The following SUMF1 variants were observed in gnomAD, a reference collection of about 807,000 sequenced individuals.
The protein encoded by SUMF1 is sulfatase modifying factor 1.
In SUMF1, 48 loss-of-function variants were observed where a neutral mutation model predicts 47.6. That is an observed-to-expected ratio of 1.01 (90% CI 0.80 to 1.28). The LOEUF (loss-of-function observed/expected upper bound fraction) is 1.28. Ranked by LOEUF, SUMF1 falls within the 50% of genes most tolerant of loss-of-function variation. The pLI is 0.00. For synonymous variants in SUMF1, 230 were observed against 192.1 expected (o/e 1.20, Z -1.63); for missense variants, 571 against 485.4 (o/e 1.18, Z -1.66).
At chr3:4,289,795 A>T (rs1305820120) in intron 8 of SUMF1, among the ~76,000 whole-genome samples, 1 of 149,620 alleles carries the variant, frequency 6.7e-6, no homozygotes, top group East Asian at 1.9e-4. Context: ...CACCTAGCAC[A>T]ATGGCCAACA....
At position 4,467,218 on chromosome 3, in the gene SUMF1, A is replaced by G. The variant is rs776028375; in HGVS notation, c.28T>C (p.Cys10Arg). Residue 10 changes from cysteine (C) to arginine (R), a missense_variant, in exon 1 of 9, where the codon TGT becomes CGT. By Grantham distance (180) the Cys-to-Arg change is radical. Transcript: ENST00000272902. MAAPALGLV[C>R]GRCPELGLVL... ...AGACCCAGCTCAGGGCAACGTCCAC[A>G]CACCAGCCCTAGTGCGGGCGCAGCC... The G allele has an allele frequency of 2.4e-5, 38 of 1,611,610 alleles. No homozygotes were observed. In the South Asian group the frequency reaches 4.0e-4, roughly 17 times the overall value.
chr3:4,308,028 A>G (rs1363663671), intron 8 of SUMF1, among the ~76,000 whole-genome samples: 1 of 150,012 alleles, frequency 6.7e-6, no homozygotes, highest in East Asian at 1.9e-4. Context: ...CAACGTCTTA[A>G]AAAAAAAAAA....
intron 3 of SUMF1, among the ~76,000 whole-genome samples, chr3:4,441,781 A>C (rs1365083470): frequency 6.6e-6 from 1 of 152,206 alleles, no homozygotes; most frequent in African/African-American, 2.4e-5. Context: ...CAAACTCTGA[A>C]AGCTAGCTCA....
intron 9 of SUMF1, among the ~76,000 whole-genome samples, chr3:4,040,227 A>G (rs1284269029): frequency 6.6e-6 from 1 of 152,186 alleles, no homozygotes; most frequent in Non-Finnish European, 1.5e-5. Context: ...TTATACTTCA[A>G]TAAAGCTTGG....
intron 8 of SUMF1, among the ~76,000 whole-genome samples, chr3:4,309,058 T>A (rs1698303623): frequency 6.6e-6 from 1 of 152,206 alleles, no homozygotes; most frequent in Non-Finnish European, 1.5e-5. Context: ...AAGCAGAGGC[T>A]TCCAGTTTCT....
intron 8 of SUMF1, among the ~76,000 whole-genome samples, chr3:4,168,475 T>A (rs1395695786): frequency 1.3e-5 from 2 of 152,178 alleles, no homozygotes; most frequent in Non-Finnish European, 1.5e-5. Context: ...ACATCACTAA[T>A]CATTAAACTA....
intron 8 of SUMF1, among the ~76,000 whole-genome samples, chr3:4,341,234 TA>T (rs200353993): frequency 2.0e-5 from 3 of 147,324 alleles, no homozygotes; most frequent in African/African-American, 2.5e-5. Context: ...ATGACAACAT[TA>T]AAAAAAAAGA....
chr3:4,267,744 T>G (rs1417336489), intron 8 of SUMF1, among the ~76,000 whole-genome samples: 1 of 150,294 alleles, frequency 6.7e-6, no homozygotes, highest in East Asian at 1.9e-4. Context: ...CAACAGGTGC[T>G]GGAGAGGATG....
chr3:4,130,024 T>C (rs1014894034), intron 8 of SUMF1, among the ~76,000 whole-genome samples: 1 of 151,972 alleles, frequency 6.6e-6, no homozygotes, highest in South Asian at 2.1e-4. Flanking sequence ...CCTAGAAAAA[T>C]AGTAAATCAA....
chr3:4,445,299 T>C lies in SUMF1; in HGVS notation c.519+3967A>G, dbSNP rs533229804. 2.6e-5 allele frequency among the ~76,000 whole-genome samples: 4 copies of C among 152,296 alleles called. No individual in the cohort carries two copies. In the South Asian group the frequency reaches 8.3e-4, roughly 32 times the overall value. On this transcript the variant is annotated intron_variant, in intron 3 of 8. Transcript: ENST00000272902. ...ATGCCCAAACCTTCAAAAGGGATCA[T>C]GGTTTCAGTGTAAAATAAAATATGG...
At chr3:4,201,415 C>G (rs1240763657) in intron 8 of SUMF1, among the ~76,000 whole-genome samples, 1 of 152,002 alleles carries the variant, frequency 6.6e-6, no homozygotes, top group Non-Finnish European at 1.5e-5. Flanking sequence ...CCATGCCTGT[C>G]TTATTTCACT....
intron 8 of SUMF1, among the ~76,000 whole-genome samples, chr3:4,152,171 A>C (rs1355776174): frequency 6.6e-6 from 1 of 151,636 alleles, no homozygotes; most frequent in Non-Finnish European, 1.5e-5. Context: ...GAACTGGAAA[A>C]ATTTTAATGT....
intron 8 of SUMF1, among the ~76,000 whole-genome samples, chr3:4,155,138 C>G (rs1293410109): frequency 6.6e-6 from 1 of 151,490 alleles, no homozygotes; most frequent in South Asian, 2.1e-4. Flanking sequence ...TTCTATAGCT[C>G]CTGACATGAG....
chr3:4,334,165 CAA>C (rs1482968251), intron 8 of SUMF1, among the ~76,000 whole-genome samples: 1 of 151,702 alleles, frequency 6.6e-6, no homozygotes, highest in Non-Finnish European at 1.5e-5. Flanking sequence ...AAAAAAATTC[CAA>C]AAAACAGGAA....
intron 8 of SUMF1, among the ~76,000 whole-genome samples, chr3:4,116,189 A>C (rs967257217): frequency 2.6e-5 from 4 of 152,118 alleles, no homozygotes; most frequent in Non-Finnish European, 5.9e-5. Context: ...ACAATGTCAC[A>C]CAGAAAGTTA....
Position 4,254,103 on chromosome 3 carries a change from A to G in SUMF1, c.1014+122227T>C, listed in dbSNP as rs1229382085. Among the ~76,000 whole-genome samples, 3 of 151,820 alleles carry G rather than the reference A, an allele frequency of 2.0e-5. No individual in the cohort carries two copies. In the East Asian group the frequency reaches 5.8e-4, roughly 29 times the overall value. On this transcript the variant is annotated intron_variant and NMD_transcript_variant, in intron 8 of 12. Transcript: ENST00000448413. ...AACAGAAAGGACATCCACACCGAAA[A>G]CCCATCTGTACATCACCATCATCAA...
At chr3:4,370,520 G>T (rs1329156406) in intron 8 of SUMF1, among the ~76,000 whole-genome samples, 4 of 152,108 alleles carry the variant, frequency 2.6e-5, no homozygotes, top group Admixed American at 2.0e-4. Flanking sequence ...AAAATAAGAT[G>T]ATATTCATAT....
intron 8 of SUMF1, among the ~76,000 whole-genome samples, chr3:4,209,356 A>G (rs1209654799): frequency 2.0e-5 from 3 of 152,196 alleles, no homozygotes; most frequent in African/African-American, 7.2e-5. Flanking sequence ...CTGAAACTTT[A>G]TTCAAATTCA....
At chr3:4,142,324 C>T (rs149211211) in intron 8 of SUMF1, among the ~76,000 whole-genome samples, 2 of 152,228 alleles carry the variant, frequency 1.3e-5, no homozygotes, top group African/African-American at 4.8e-5. Flanking sequence ...CCTACAGTTC[C>T]TCTAAGAAGC....
Sources: allele counts gnomAD v4.1 joint callset (sites outside exome capture counted in the v4.1 genomes callset), GRCh38; gene constraint gnomAD v4.1.1; transcripts MANE v1.5; gene names NCBI Gene and HGNC (gene_info 2026-07-23, HGNC 2026-07-21).